The following SLC35E1 variants were observed in gnomAD, a reference collection of about 807,000 sequenced individuals.
The protein encoded by SLC35E1 is solute carrier family 35 member E1, also known as solute carrier family 35, member E1.
SLC35E1 carries 12 observed loss-of-function variants against 31.0 expected under a neutral mutation model. The observed-to-expected ratio is 0.39, with a 90% CI of 0.25 to 0.63. The LOEUF (loss-of-function observed/expected upper bound fraction) is 0.63. Among genes scored for constraint, SLC35E1 ranks in the 20% least tolerant of loss-of-function variants. SLC35E1 has a pLI of 0.52. For missense variants in SLC35E1, 429 were observed against 572.2 expected, an observed-to-expected ratio of 0.75 and a Z score of 2.55; for synonymous variants, 257 against 264.1, an observed-to-expected ratio of 0.97 and a Z score of 0.26.
intron 2 of SLC35E1, among the ~76,000 whole-genome samples, chr19:16,570,625 A>C (rs926004684): frequency 5.9e-5 from 9 of 152,194 alleles, no homozygotes; most frequent in Admixed American, 5.9e-4. Context: ...CTGTGCCCAA[A>C]GCATCCTCCT....
chr19:16,571,329 A>G (rs2085957064), intron 2 of SLC35E1, among the ~76,000 whole-genome samples, 183 bp downstream of exon 2: 2 of 152,120 alleles, frequency 1.3e-5, no homozygotes, highest in Non-Finnish European at 2.9e-5. Flanking sequence ...TCCACACACC[A>G]CTGCTCACAG....
Position 16,554,432 on chromosome 19 carries a change from G to A in SLC35E1, c.1003-523C>T, listed in dbSNP as rs966779057. Among the ~76,000 whole-genome samples, 4 of 151,002 alleles carry A rather than the reference G, an allele frequency of 2.6e-5. No individual in the cohort carries two copies. In the East Asian group the frequency reaches 6.0e-4, roughly 22 times the overall value. On this transcript the variant is annotated intron_variant, in intron 5 of 5. Coordinates refer to ENST00000595753, the MANE Select transcript of SLC35E1 (RefSeq NM_024881.5). ...AGTGGCTTATGCCTGTAGTTCAAGT[G>A]CTTTGGGAGGCCTAGGCGGGAGGAT...
rs367606938 is a variant in SLC35E1, at chr19:16,570,177, C to T, written c.492+1335G>A. ...TCCTTGCCCAAGCTGGGTACAATGTCCCGTACAACGGGGAAACCTGATACA... is the reference window on the plus strand; with the variant it reads ...TCCTTGCCCAAGCTGGGTACAATGTTCCGTACAACGGGGAAACCTGATACA... On this transcript the variant is annotated intron_variant, in intron 2 of 5. Coordinates refer to ENST00000595753, the MANE Select transcript of SLC35E1 (RefSeq NM_024881.5). Among the ~76,000 whole-genome samples the T allele has an allele frequency of 2.8e-4, 43 of 152,336 alleles. No homozygotes were observed. The South Asian group carries it at 3.5e-3, about 12-fold the overall frequency.
chr19:16,570,585 C>T (rs1001768304), intron 2 of SLC35E1, among the ~76,000 whole-genome samples: 1 of 152,166 alleles, frequency 6.6e-6, no homozygotes, highest in Non-Finnish European at 1.5e-5. Context: ...CAGGAAATAC[C>T]CTGGCTTGGC....
chr19:16,563,341 A>G, intron 4 of SLC35E1, among the ~76,000 whole-genome samples: 1 of 152,028 alleles, frequency 6.6e-6, no homozygotes, highest in Non-Finnish European at 1.5e-5. Flanking sequence ...AATAAAATAA[A>G]ATAAAATAAT....
intron 2 of SLC35E1, among the ~76,000 whole-genome samples, chr19:16,570,878 C>T (rs1389513885): frequency 6.6e-6 from 1 of 152,116 alleles, no homozygotes; most frequent in Non-Finnish European, 1.5e-5. Context: ...GGACGGATCA[C>T]TTGAGGTCAG....
intron 4 of SLC35E1, among the ~76,000 whole-genome samples, chr19:16,559,461 A>AACACACACAC (rs1297259187): frequency 1.4e-5 from 1 of 74,002 alleles, no homozygotes; most frequent in African/African-American, 8.8e-5. Context: ...TTCTACAAAA[A>AACACACACAC]ATACACACAC....
chr19:16,561,501 G>A (rs901061498), intron 4 of SLC35E1, among the ~76,000 whole-genome samples: 4 of 152,064 alleles, frequency 2.6e-5, no homozygotes, highest in Non-Finnish European at 4.4e-5. Flanking sequence ...TTTATTTCTC[G>A]GTTCTCAAGT....
chr19:16,570,574 C>A (rs2085952623), intron 2 of SLC35E1, among the ~76,000 whole-genome samples: 2 of 152,168 alleles, frequency 1.3e-5, no homozygotes, highest in African/African-American at 4.8e-5. Context: ...TTGCCCCAAG[C>A]CAGGAAATAC....
intron 4 of SLC35E1, among the ~76,000 whole-genome samples, chr19:16,558,207 C>G (rs541404850): frequency 3.3e-5 from 5 of 152,142 alleles, no homozygotes; most frequent in Non-Finnish European, 5.9e-5. Context: ...CCATGCCCAG[C>G]TAATTTTTGT....
chr19:16,567,983 C>T (rs372191407), intron 3 of SLC35E1, 49 bp downstream of exon 3: 2 of 1,488,038 alleles, frequency 1.3e-6, no homozygotes, highest in Non-Finnish European at 1.8e-6. Context: ...AGTTTGCTGC[C>T]CGCACACCCC....
chr19:16,557,354 C>T (rs1005833360), intron 4 of SLC35E1, among the ~76,000 whole-genome samples: 5 of 152,050 alleles, frequency 3.3e-5, no homozygotes, highest in Admixed American at 2.6e-4. Flanking sequence ...CCACCGCGCC[C>T]GGCTAATTTT....
At chr19:16,564,997 A>C in intron 4 of SLC35E1, 1 of 390,256 alleles carries the variant, frequency 2.6e-6, no homozygotes, top group Non-Finnish European at 5.2e-6. Flanking sequence ...AAATGTCACA[A>C]ATCCAGCTAG....
chr19:16,560,868 A>C (rs1460859243), intron 4 of SLC35E1, among the ~76,000 whole-genome samples: 34 of 56,214 alleles, frequency 6.0e-4, no homozygotes, highest in Non-Finnish European at 9.8e-4. Context: ...TCTCAAAAAC[A>C]AAAAAAAAAA....
At chr19:16,568,781 C>G (rs1448091559) in intron 2 of SLC35E1, among the ~76,000 whole-genome samples, 1 of 152,220 alleles carries the variant, frequency 6.6e-6, no homozygotes, top group Non-Finnish European at 1.5e-5. Flanking sequence ...ATCCATCCAC[C>G]TTGGCCTCCC....
chr19:16,559,209 G>A (rs912070232), intron 4 of SLC35E1, among the ~76,000 whole-genome samples: 4 of 151,956 alleles, frequency 2.6e-5, no homozygotes, highest in Admixed American at 1.3e-4. Flanking sequence ...CCAGTTGCTC[G>A]GGAGGCTGAG....
intron 4 of SLC35E1, among the ~76,000 whole-genome samples, chr19:16,561,738 T>C: frequency 6.6e-6 from 1 of 152,156 alleles, no homozygotes; most frequent in East Asian, 1.9e-4. Context: ...ACTGCGACGG[T>C]GCTAACTAAC....
rs2122323420 is a variant in SLC35E1 at position 16,555,012 on chromosome 19, A to G, written c.1002+140T>C. 3 of 1,263,800 alleles carry G rather than the reference A, an allele frequency of 2.4e-6. No individual in the cohort carries two copies. The highest frequency in any genetic ancestry group is 3.2e-6 in the Non-Finnish European group (3 of 935,312). The allele number at this position is 1,263,800 out of a possible 1,614,324, so 78.3% of individuals were successfully genotyped here. A position where few individuals can be genotyped will look rare whatever the true frequency, so the allele number is the denominator to read the frequency against. On this transcript the variant is annotated intron_variant, in intron 5 of 5. Coordinates refer to ENST00000595753, the MANE Select transcript of SLC35E1 (RefSeq NM_024881.5). This position sits in a 1 kb window ranked among gnomAD's most constrained non-coding sequence, Gnocchi z 4.1. ...AAGGAAGCCAGAGTGGGATGGGGCTACGCCAAGATCATAAACCAGTCAGTG... is the reference window on the plus strand; with the variant it reads ...AAGGAAGCCAGAGTGGGATGGGGCTGCGCCAAGATCATAAACCAGTCAGTG...
intron 3 of SLC35E1, among the ~76,000 whole-genome samples, chr19:16,567,645 C>G (rs551022070): frequency 6.6e-6 from 1 of 152,178 alleles, no homozygotes; most frequent in African/African-American, 2.4e-5. Context: ...CACTGCAAGC[C>G]CCGCTTCCTG....
Sources: allele counts gnomAD v4.1 joint callset (sites outside exome capture counted in the v4.1 genomes callset), GRCh38; gene constraint gnomAD v4.1.1; non-coding constraint Gnocchi (gnomAD v3.1); transcripts MANE v1.5; gene names NCBI Gene and HGNC (gene_info 2026-07-23, HGNC 2026-07-21).